PLAGL1: variants seen among roughly 807,000 people sequenced by gnomAD.
PLAGL1 encodes the protein zinc finger protein PLAGL1.
PLAGL1 carries 1 observed loss-of-function variant against 4.6 expected under a neutral mutation model. That is an observed-to-expected ratio of 0.22 (90% CI 0.08 to 1.03). The LOEUF is 1.03. PLAGL1 is among the 50% of genes least tolerant of loss of function. The pLI is 0.58. For missense variants in PLAGL1, 464 were observed against 570.4 expected, an observed-to-expected ratio of 0.81 and a Z score of 1.90; for synonymous variants, 240 against 237.8, an observed-to-expected ratio of 1.01 and a Z score of -0.08.
At position 143,948,236 on chromosome 6, in the gene PLAGL1, C is replaced by T; in HGVS notation, c.-100G>A. ...TGGTGCTGGGCACATCAGCAGAGTC[C>T]CTGCAGCTGAACTCCAGACCACGGG... On this transcript the variant is annotated 5_prime_UTR_variant, in exon 7 of 8. Transcript: ENST00000674357. The surrounding 1 kb of genome is among the most constrained non-coding windows in gnomAD (Gnocchi z 6.0). The T allele has an allele frequency of 8.9e-7, 1 of 1,122,266 alleles. No homozygotes were observed. The highest frequency in any genetic ancestry group is 1.3e-6 in the Non-Finnish European group (1 of 764,764). 69.5% of individuals were successfully genotyped at this position (1,122,266 alleles called of 1,614,324 possible).
chr6:144,009,794 T>C (rs1004055107), upstream of PLAGL1, among the ~76,000 whole-genome samples: 31 of 152,200 alleles, frequency 2.0e-4, 1 homozygote, highest in East Asian at 1.9e-4. Flanking sequence ...CTGTGTTAGT[T>C]TGCTGAGAAT....
At chr6:143,967,381 T>TAA (rs1435497426) in intron 3 of PLAGL1, 2 of 152,130 alleles carry the variant, frequency 1.3e-5, no homozygotes, top group Non-Finnish European at 2.9e-5. Context: ...TATATATATA[T>TAA]AATGGAAAGT....
rs2128513237 is a variant in PLAGL1, at chr6:143,945,890, T to A, written c.152+2095A>T. On this transcript the variant is annotated intron_variant, in intron 7 of 7. Transcript: ENST00000674357. The surrounding 1 kb of genome is among the most constrained non-coding windows in gnomAD (Gnocchi z 4.2). The stretch of plus-strand genomic sequence containing the variant: ...GGGGCTGAGGCAGGGAAGGCGGTTC[T>A]TGCATAAAGTACACTGACAGCTTCC... 6.6e-6 allele frequency among the ~76,000 whole-genome samples: 1 copy of A among 152,294 alleles called. No homozygotes were observed. The highest frequency in any genetic ancestry group is 2.1e-4 in the South Asian group (1 of 4,814).
rs4521613 is a variant in PLAGL1 at position 143,959,905 on chromosome 6, C to T, written c.-325+564G>A. On this transcript the variant is annotated intron_variant, in intron 6 of 7. Coordinates refer to ENST00000674357, the MANE Select transcript of PLAGL1 (RefSeq NM_001317162.2). The surrounding 1 kb of genome is among the most constrained non-coding windows in gnomAD (Gnocchi z 5.3). The stretch of plus-strand genomic sequence containing the variant: ...CTAAGCCAAGTGCTCTTTCAACCTA[C>T]GCTTTGCCATCCCTTCTAGCCACAC... Among the ~76,000 whole-genome samples, 7,641 of 152,264 alleles carry T rather than the reference C, an allele frequency of 0.05. 654 individuals are homozygous for T. Among genetic ancestry groups the T allele is most frequent in the African/African-American group, 0.17 (7,060 of 41,514 alleles).
At position 143,982,172 on chromosome 6, in the gene PLAGL1, AG is replaced by A. The variant is rs1422082285; in HGVS notation, c.-544+2962del. 6.6e-6 allele frequency among the ~76,000 whole-genome samples: 1 copy of A among 152,156 alleles called. No individual in the cohort carries two copies. Among genetic ancestry groups the A allele is most frequent in the Non-Finnish European group, 1.5e-5 (1 of 68,014 alleles). ...ATCAGATGGTGATTTTAAAAAAAAA[AG>A]TAATGAAGAGACAGGAAGTGCTAAG... is the stretch of plus-strand genomic sequence containing the variant. On this transcript the variant is annotated intron_variant, in intron 2 of 7. Coordinates refer to ENST00000674357, the MANE Select transcript of PLAGL1 (RefSeq NM_001317162.2). The surrounding 1 kb of genome is among the most constrained non-coding windows in gnomAD (Gnocchi z 5.3).
At position 144,053,279 on chromosome 6, in the gene PLAGL1, C is replaced by T. The variant is rs1485106208; in HGVS notation, c.-151+11189G>A. Reference sequence around the variant, plus strand: ...TCTCCTGAGTACCTGGGATTACAGGCATGCACCATCATGCCGAGCTAATTT... The same window carrying T: ...TCTCCTGAGTACCTGGGATTACAGGTATGCACCATCATGCCGAGCTAATTT... On this transcript the variant is annotated intron_variant, in intron 1 of 3. Transcript: ENST00000437412. The surrounding 1 kb of genome is among the most constrained non-coding windows in gnomAD (Gnocchi z 4.0). 6.6e-6 allele frequency among the ~76,000 whole-genome samples: 1 copy of T among 152,160 alleles called. No homozygotes were observed. The highest frequency in any genetic ancestry group is 2.4e-5 in the African/African-American group (1 of 41,438).
chr6:144,054,603 C>T (rs1798811678), intron 1 of PLAGL1, among the ~76,000 whole-genome samples: 1 of 151,972 alleles, frequency 6.6e-6, no homozygotes, highest in African/African-American at 2.4e-5. Context: ...TGTCAGGGGT[C>T]GGAGGCGAGG....
rs1474078090 is a variant in PLAGL1, at chr6:143,985,641, T to G, written c.-583-467A>C. 6.6e-6 allele frequency among the ~76,000 whole-genome samples: 1 copy of G among 151,810 alleles called. No homozygotes were observed. The highest frequency in any genetic ancestry group is 2.4e-5 in the African/African-American group (1 of 41,346). On this transcript the variant is annotated intron_variant, in intron 1 of 7. Transcript: ENST00000674357. This position sits in a 1 kb window ranked among gnomAD's most constrained non-coding sequence, Gnocchi z 4.4. ...GTTCTATGTCTACTACTACTACTAC[T>G]ACTTCCTATATGTCAAATCTTGAAT...
rs78208443 is a variant in PLAGL1 at position 144,016,404 on chromosome 6, C to A, written c.-150-47426G>T. 6.6e-6 allele frequency among the ~76,000 whole-genome samples: 1 copy of A among 152,086 alleles called. No individual in the cohort carries two copies. The highest frequency in any genetic ancestry group is 2.4e-5 in the African/African-American group (1 of 41,368). The stretch of plus-strand genomic sequence containing the variant: ...CAGATTAAGGGTGGATCTGCCTTCC[C>A]CAGACCACTGACTCAAATATTAATC... On this transcript the variant is annotated intron_variant, in intron 1 of 3. Transcript: ENST00000437412. This position sits in a 1 kb window ranked among gnomAD's most constrained non-coding sequence, Gnocchi z 4.2.
At chr6:144,023,461 G>C (rs1796114706) in intron 1 of PLAGL1, among the ~76,000 whole-genome samples, 1 of 152,162 alleles carries the variant, frequency 6.6e-6, no homozygotes, top group Non-Finnish European at 1.5e-5. Flanking sequence ...TAAACTCATT[G>C]AAGGGGGGCT....
intron 1 of PLAGL1, among the ~76,000 whole-genome samples, chr6:143,992,363 C>G (rs562828117): frequency 2.0e-5 from 3 of 152,260 alleles, no homozygotes; most frequent in African/African-American, 7.2e-5. Context: ...TTCTGCAAGT[C>G]CACAGTGGAT....
At position 143,979,243 on chromosome 6, in the gene PLAGL1, T is replaced by G. The variant is rs6936239; in HGVS notation, c.-544+5892A>C. ...GCGTTTTGTATGTATTAAATCTGAC[T>G]GTGAACAATCAATTGAGGTAACTCA... On this transcript the variant is annotated intron_variant, in intron 2 of 7. Transcript: ENST00000674357. This position sits in a 1 kb window ranked among gnomAD's most constrained non-coding sequence, Gnocchi z 4.6. Among the ~76,000 whole-genome samples the G allele has an allele frequency of 0.028, 4,328 of 152,266 alleles. 215 individuals carry two copies. Among genetic ancestry groups the G allele is most frequent in the African/African-American group, 0.098 (4,077 of 41,552 alleles).
Position 143,979,353 on chromosome 6 carries a change from T to C in PLAGL1, c.-544+5782A>G, listed in dbSNP as rs1419051252. ...ACAGTTAGACCATTTATGCTTAACA[T>C]GCTTACTGACATGATTAGGCTGAAA... On this transcript the variant is annotated intron_variant, in intron 2 of 7. Transcript: ENST00000674357. This position sits in a 1 kb window ranked among gnomAD's most constrained non-coding sequence, Gnocchi z 4.6. Among the ~76,000 whole-genome samples the C allele has an allele frequency of 2.0e-5, 3 of 152,180 alleles. No homozygotes were observed. Among genetic ancestry groups the C allele is most frequent in the Non-Finnish European group, 4.4e-5 (3 of 67,978 alleles).
At position 144,016,526 on chromosome 6, in the gene PLAGL1, A is replaced by G. The variant is rs1261643772; in HGVS notation, c.-150-47548T>C. On this transcript the variant is annotated intron_variant, in intron 1 of 3. Coordinates refer to the PLAGL1 transcript ENST00000437412. The surrounding 1 kb of genome is among the most constrained non-coding windows in gnomAD (Gnocchi z 4.2). Reference sequence around the variant, plus strand: ...GTCAGTATTAACCATCATAATATGTAAACGACACATGGTCCCATTCATAGG... The same window carrying G: ...GTCAGTATTAACCATCATAATATGTGAACGACACATGGTCCCATTCATAGG... Among the ~76,000 whole-genome samples, 1 of 152,208 alleles carries G rather than the reference A, an allele frequency of 6.6e-6. No individual in the cohort carries two copies. Among genetic ancestry groups the G allele is most frequent in the Non-Finnish European group, 1.5e-5 (1 of 68,030 alleles).
intron 1 of PLAGL1, among the ~76,000 whole-genome samples, chr6:144,044,194 C>T (rs938442525): frequency 2.6e-5 from 4 of 152,072 alleles, no homozygotes; most frequent in Non-Finnish European, 5.9e-5. Flanking sequence ...CTGCTCTGAT[C>T]TTAGTTATTT....
At position 143,949,016 on chromosome 6, in the gene PLAGL1, G is replaced by A. The variant is rs960673280; in HGVS notation, c.-324-556C>T. Among the ~76,000 whole-genome samples, 8 of 152,254 alleles carry A rather than the reference G, an allele frequency of 5.3e-5. No homozygotes were observed. Among genetic ancestry groups the A allele is most frequent in the Middle Eastern group, 3.2e-3 (1 of 316 alleles). ...CTCTGCAGAAGGGCTGATATAAACA[G>A]AATGTGCATGAAGCTAGTCTAGTCT... On this transcript the variant is annotated intron_variant, in intron 6 of 7. Transcript: ENST00000674357. This position sits in a 1 kb window ranked among gnomAD's most constrained non-coding sequence, Gnocchi z 5.3.
chr6:143,979,540 C>T lies in PLAGL1; in HGVS notation c.-544+5595G>A, dbSNP rs188976388. ...GTAGAGTTTATAGTTATATCTTTAA[C>T]TTACCATGGTGTACTTCCAAGGGAT... is the stretch of plus-strand genomic sequence containing the variant. On this transcript the variant is annotated intron_variant, in intron 2 of 7. Transcript: ENST00000674357. The surrounding 1 kb of genome is among the most constrained non-coding windows in gnomAD (Gnocchi z 4.6). Among the ~76,000 whole-genome samples the T allele has an allele frequency of 6.6e-6, 1 of 152,074 alleles. No homozygotes were observed. Among genetic ancestry groups the T allele is most frequent in the East Asian group, 1.9e-4 (1 of 5,172 alleles).
rs9496842 is a variant in PLAGL1, at chr6:144,027,234, C to G, written c.-151+37234G>C. 2.7e-5 allele frequency among the ~76,000 whole-genome samples: 3 copies of G among 111,550 alleles called. No homozygotes were observed. Among genetic ancestry groups the G allele is most frequent in the Admixed American group, 9.5e-5 (1 of 10,514 alleles). The allele number at this position is 111,550 out of a possible 152,430, so 73.2% of individuals were successfully genotyped here. A position where few individuals can be genotyped will look rare whatever the true frequency, so the allele number is the denominator to read the frequency against. On this transcript the variant is annotated intron_variant, in intron 1 of 3. Coordinates refer to the PLAGL1 transcript ENST00000437412. This position sits in a 1 kb window ranked among gnomAD's most constrained non-coding sequence, Gnocchi z 5.8. The stretch of plus-strand genomic sequence containing the variant: ...GAAAGACCCCAACTCAAAGAACGAA[C>G]GAAAGAAAGAAAGAAAGAAAGAAAG...
At chr6:143,987,437 C>CTGTTTTT (rs556596504) in intron 1 of PLAGL1, among the ~76,000 whole-genome samples, 4 of 73,940 alleles carry the variant, frequency 5.4e-5, no homozygotes, top group South Asian at 6.8e-4. Flanking sequence ...ACCACACTGG[C>CTGTTTTT]TTTTTTTTTT....
Sources: gnomAD v4.1 joint callset for allele counts (sites outside exome capture counted in the v4.1 genomes callset) on GRCh38, gnomAD v4.1.1 for gene constraint, Gnocchi (gnomAD v3.1) non-coding constraint, MANE v1.5 for transcripts, NCBI Gene and HGNC (gene_info 2026-07-23, HGNC 2026-07-21) for gene names.